EPHA5: variants seen among roughly 807,000 people sequenced by gnomAD.
The protein encoded by EPHA5 is ephrin type-A receptor 5.
EPHA5 carries 60 observed loss-of-function variants against 105.0 expected under a neutral mutation model. The ratio of observed to expected loss-of-function variants is 0.57; its 90% CI spans 0.46 to 0.71. The LOEUF is 0.71. EPHA5 is among the 30% of genes least tolerant of loss of function. The pLI is 0.00. For missense variants in EPHA5, 1,218 were observed against 1,274.7 expected (o/e 0.96, Z 0.68); for synonymous variants, 513 against 449.1 (o/e 1.14, Z -1.80).
At chr4:65,476,629 T>C (rs1729850863) in intron 5 of EPHA5, among the ~76,000 whole-genome samples, 1 of 152,136 alleles carries the variant, frequency 6.6e-6, no homozygotes, top group Non-Finnish European at 1.5e-5. Context: ...AACTTTTAGG[T>C]AGTATGCTCA....
At chr4:65,431,313 TA>T in intron 5 of EPHA5, among the ~76,000 whole-genome samples, 1 of 152,290 alleles carries the variant, frequency 6.6e-6, no homozygotes, top group Admixed American at 6.5e-5. Flanking sequence ...TAGCCATAAA[TA>T]TCCTCTAGTT....
At chr4:65,643,069 TC>T (rs2149514058) in intron 2 of EPHA5, among the ~76,000 whole-genome samples, 1 of 152,162 alleles carries the variant, frequency 6.6e-6, no homozygotes, top group South Asian at 2.1e-4. Flanking sequence ...TCTGAAAGTT[TC>T]TTTGTTGTTT....
At chr4:65,344,728 C>T (rs1722051526) in intron 14 of EPHA5, among the ~76,000 whole-genome samples, 1 of 152,150 alleles carries the variant, frequency 6.6e-6, no homozygotes, top group Non-Finnish European at 1.5e-5. Context: ...CAGTGTTCTG[C>T]AGGGCCTGTT....
At chr4:65,455,095 C>T (rs553883608) in intron 5 of EPHA5, among the ~76,000 whole-genome samples, 1 of 151,784 alleles carries the variant, frequency 6.6e-6, no homozygotes, top group Non-Finnish European at 1.5e-5. Context: ...TAGCTGGGAG[C>T]AGTGGCGGGC....
chr4:65,497,373 T>G (rs1199483809), intron 3 of EPHA5, among the ~76,000 whole-genome samples: 2 of 152,148 alleles, frequency 1.3e-5, no homozygotes, highest in African/African-American at 4.8e-5. Flanking sequence ...ATTATAGTGA[T>G]AGTAAAGCCT....
intron 1 of EPHA5, among the ~76,000 whole-genome samples, chr4:65,645,537 C>T (rs1316185099): frequency 1.3e-5 from 2 of 151,896 alleles, no homozygotes. Flanking sequence ...GAAGTATTAT[C>T]AACAGAATTT....
At chr4:65,573,803 T>C in intron 3 of EPHA5, 1 of 1,613,780 alleles carries the variant, frequency 6.2e-7, no homozygotes, top group Non-Finnish European at 8.5e-7. Flanking sequence ...TGCCTAGATA[T>C]TATCCTACTG....
rs1722387606 is a variant in EPHA5 at position 65,348,039 on chromosome 4, T to G, written c.2595+15A>C. On this transcript the variant is annotated intron_variant, in intron 14 of 16. Transcript: ENST00000613740. ...ATTTCATTGTCAAGTTGGGAAAGAG[T>G]AGTTCCATACTCACATCTTGATTGG... The G allele has an allele frequency of 6.3e-7, 1 of 1,577,704 alleles. No homozygotes were observed. Among genetic ancestry groups the G allele is most frequent in the Non-Finnish European group, 8.6e-7 (1 of 1,164,820 alleles).
At chr4:65,409,430 A>T (rs1192120817) in intron 7 of EPHA5, among the ~76,000 whole-genome samples, 1 of 152,000 alleles carries the variant, frequency 6.6e-6, no homozygotes, top group African/African-American at 2.4e-5. Context: ...AATGTTTCTT[A>T]AAAAAATCAT....
chr4:65,464,009 T>A (rs563621278), intron 5 of EPHA5, among the ~76,000 whole-genome samples: 2 of 151,692 alleles, frequency 1.3e-5, no homozygotes, highest in Admixed American at 6.6e-5. Context: ...CACTAAAAAA[T>A]AAATAAATAA....
intron 1 of EPHA5, among the ~76,000 whole-genome samples, chr4:65,664,358 T>G (rs1334253932): frequency 6.6e-6 from 1 of 152,070 alleles, no homozygotes; most frequent in Non-Finnish European, 1.5e-5. Flanking sequence ...TTTCTATCTC[T>G]AATGCATCTC....
chr4:65,565,577 A>G (rs969327552), intron 3 of EPHA5, among the ~76,000 whole-genome samples: 1 of 151,652 alleles, frequency 6.6e-6, no homozygotes, highest in Non-Finnish European at 1.5e-5. Context: ...ATAAGATTCT[A>G]CTTATTACCT....
At chr4:65,452,362 C>T (rs1230097061) in intron 5 of EPHA5, among the ~76,000 whole-genome samples, 4 of 152,056 alleles carry the variant, frequency 2.6e-5, no homozygotes, top group Non-Finnish European at 4.4e-5. Context: ...TAGATTAACA[C>T]ACCTATTCCT....
intron 3 of EPHA5, among the ~76,000 whole-genome samples, chr4:65,578,347 T>C (rs1311900075): frequency 2.0e-5 from 3 of 152,132 alleles, no homozygotes; most frequent in African/African-American, 4.8e-5. Context: ...GGGTTTTCCA[T>C]CTCGTTTTCT....
chr4:65,655,239 A>T (rs1184095992), intron 1 of EPHA5, among the ~76,000 whole-genome samples: 2 of 152,090 alleles, frequency 1.3e-5, no homozygotes, highest in Non-Finnish European at 2.9e-5. Context: ...GTGAGTAAAT[A>T]TACACTGTTT....
At chr4:65,604,890 G>T (rs1034130435) in intron 2 of EPHA5, among the ~76,000 whole-genome samples, 10 of 152,104 alleles carry the variant, frequency 6.6e-5, no homozygotes, top group African/African-American at 2.4e-4. Context: ...GTTCATTTTT[G>T]TTGGATTTTC....
chr4:65,624,685 A>T (rs538790016), intron 2 of EPHA5, among the ~76,000 whole-genome samples: 1 of 152,274 alleles, frequency 6.6e-6, no homozygotes, highest in Admixed American at 6.5e-5. Context: ...TCTCTATTGG[A>T]TTTATCCCAG....
chr4:65,660,463 G>C (rs1350104578), intron 1 of EPHA5, among the ~76,000 whole-genome samples: 1 of 152,106 alleles, frequency 6.6e-6, no homozygotes, highest in Non-Finnish European at 1.5e-5. Context: ...GACGATCTGT[G>C]AGTGTGAAAT....
At chr4:65,492,988 G>T (rs115438909) in intron 4 of EPHA5, among the ~76,000 whole-genome samples, 187 of 149,096 alleles carry the variant, frequency 1.3e-3, no homozygotes, top group African/African-American at 2.3e-3. Flanking sequence ...GTTTTGTTTT[G>T]TTTTGTTTTT....
Sources: gnomAD v4.1 joint callset for allele counts (sites outside exome capture counted in the v4.1 genomes callset) on GRCh38, gnomAD v4.1.1 for gene constraint, MANE v1.5 for transcripts, NCBI Gene and HGNC (gene_info 2026-07-23, HGNC 2026-07-21) for gene names.